CELF2: variants seen among roughly 807,000 people sequenced by gnomAD.
The protein encoded by CELF2 is CUGBP Elav-like family member 2, also known as CUG triplet repeat RNA-binding protein 2.
Under a neutral mutation model 62.6 loss-of-function variants are expected in CELF2, and 8 were observed. The observed-to-expected ratio is 0.13, with a 90% CI of 0.07 to 0.23. The LOEUF is 0.23. CELF2 is among the 10% of genes least tolerant of loss of function. CELF2 has a pLI of 1.00. For missense variants in CELF2, 333 were observed against 671.0 expected, an observed-to-expected ratio of 0.50 and a Z score of 5.56; for synonymous variants, 258 against 250.0, an observed-to-expected ratio of 1.03 and a Z score of -0.30.
At chr10:10,861,105 T>G (rs1034635944) in intron 1 of CELF2, among the ~76,000 whole-genome samples, 2 of 152,082 alleles carry the variant, frequency 1.3e-5, no homozygotes, top group East Asian at 1.9e-4. Flanking sequence ...TGGTTGGTTG[T>G]TTGAGACAAG....
the CELF2 span, among the ~76,000 whole-genome samples, chr10:10,656,173 A>C: frequency 2.1e-5 from 3 of 145,730 alleles, no homozygotes; most frequent in Admixed American, 6.9e-5. Context: ...ACAATGAGAT[A>C]CCATCTCACA....
chr10:11,095,825 C>T (rs1344685736), intron 1 of CELF2, among the ~76,000 whole-genome samples: 1 of 151,882 alleles, frequency 6.6e-6, no homozygotes, highest in Admixed American at 6.6e-5. Context: ...CACTTAGAAT[C>T]GGGAAGAAAG....
the CELF2 span, among the ~76,000 whole-genome samples, chr10:10,721,691 C>T: frequency 1.3e-5 from 2 of 152,232 alleles, no homozygotes; most frequent in African/African-American, 4.8e-5. Context: ...AGGTAAACCA[C>T]TGATATATCC....
In CELF2 at chr10:11,290,239, C is replaced by T. The variant is rs1210303888; in HGVS notation, c.976+1687C>T. Among the ~76,000 whole-genome samples, 2 of 152,144 alleles carry T rather than the reference C, an allele frequency of 1.3e-5. No individual in the cohort carries two copies. The highest frequency in any genetic ancestry group is 1.3e-4 in the Admixed American group (2 of 15,272). The stretch of plus-strand genomic sequence containing the variant: ...AAAGCAATGAGTGTCAGATCTGTGA[C>T]AGAATCCCACTGAACAAGGGGAAAG... On this transcript the variant is annotated intron_variant, in intron 9 of 12. Coordinates refer to ENST00000633077, the MANE Select transcript of CELF2 (RefSeq NM_001326342.2). This position sits in a 1 kb window ranked among gnomAD's most constrained non-coding sequence, Gnocchi z 4.3.
chr10:10,585,933 T>G, the CELF2 span, among the ~76,000 whole-genome samples: 1 of 152,234 alleles, frequency 6.6e-6, no homozygotes, highest in African/African-American at 2.4e-5. Context: ...TTTGCTTGTA[T>G]GTGTGAAGAG....
At chr10:10,603,870 A>T in the CELF2 span, among the ~76,000 whole-genome samples, 4 of 152,094 alleles carry the variant, frequency 2.6e-5, no homozygotes, top group Non-Finnish European at 5.9e-5. Context: ...ATAAATGATA[A>T]AGGTTGGAAT....
At chr10:10,637,904 A>G in the CELF2 span, among the ~76,000 whole-genome samples, 18 of 152,340 alleles carry the variant, frequency 1.2e-4, no homozygotes, top group East Asian at 2.9e-3. Context: ...TTATATTTAC[A>G]AGGTTCAGTG....
chr10:11,226,527 C>T (rs1441812242), intron 3 of CELF2, among the ~76,000 whole-genome samples: 27 of 152,096 alleles, frequency 1.8e-4, no homozygotes, highest in Admixed American at 1.7e-3. Context: ...ACAGTTCTGG[C>T]TGTGTCAGAT....
intron 1 of CELF2, among the ~76,000 whole-genome samples, chr10:10,800,064 T>G (rs1055927385): frequency 1.3e-5 from 1 of 77,974 alleles, no homozygotes; most frequent in African/African-American, 6.0e-5. Flanking sequence ...AGTTTTTATT[T>G]CCTATTCATG....
chr10:11,073,003 A>G (rs927431153), intron 1 of CELF2, among the ~76,000 whole-genome samples: 7 of 151,990 alleles, frequency 4.6e-5, no homozygotes, highest in African/African-American at 1.7e-4. Context: ...TATTACACAA[A>G]TCACACTCTT....
At chr10:11,151,360 A>G (rs769649006) in intron 1 of CELF2, among the ~76,000 whole-genome samples, 42 of 152,104 alleles carry the variant, frequency 2.8e-4, no homozygotes, top group Middle Eastern at 3.2e-3. Flanking sequence ...CATGGATGGG[A>G]TAACTGGGAA....
the CELF2 span, among the ~76,000 whole-genome samples, chr10:10,531,631 C>A: frequency 1.3e-5 from 2 of 152,278 alleles, no homozygotes; most frequent in South Asian, 4.1e-4. Flanking sequence ...AAGCCAGGTG[C>A]ACTCTTCACT....
the CELF2 span, among the ~76,000 whole-genome samples, chr10:10,648,756 G>A: frequency 6.6e-6 from 1 of 152,156 alleles, no homozygotes; most frequent in African/African-American, 2.4e-5. Context: ...ATTGACCGTG[G>A]TACCCAGCAG....
the CELF2 span, among the ~76,000 whole-genome samples, chr10:10,757,527 T>C: frequency 6.6e-6 from 1 of 152,132 alleles, no homozygotes; most frequent in Non-Finnish European, 1.5e-5. Flanking sequence ...ATGACACACA[T>C]GCACACACAT....
intron 2 of CELF2, among the ~76,000 whole-genome samples, chr10:11,195,391 T>C (rs2134745459): frequency 6.6e-6 from 1 of 152,324 alleles, no homozygotes; most frequent in African/African-American, 2.4e-5. Context: ...CTGCTTTTGC[T>C]ACATGAAGTC....
the CELF2 span, among the ~76,000 whole-genome samples, chr10:10,505,643 G>A: frequency 6.6e-6 from 1 of 152,100 alleles, no homozygotes; most frequent in Non-Finnish European, 1.5e-5. Flanking sequence ...CCTTGTTACA[G>A]CTTGGTGAGG....
the CELF2 span, among the ~76,000 whole-genome samples, chr10:10,697,285 G>C: frequency 3.3e-5 from 5 of 152,142 alleles, no homozygotes; most frequent in African/African-American, 1.2e-4. Flanking sequence ...TTTGCAATGG[G>C]ACAGACGAAT....
chr10:10,556,031 T>A, the CELF2 span, among the ~76,000 whole-genome samples: 175 of 152,296 alleles, frequency 1.1e-3, 2 homozygotes, highest in African/African-American at 8.9e-4. Context: ...TTCCACATTT[T>A]AAAATTTTTT....
At chr10:11,151,766 T>A (rs763345183) in intron 1 of CELF2, among the ~76,000 whole-genome samples, 2 of 151,780 alleles carry the variant, frequency 1.3e-5, no homozygotes, top group African/African-American at 4.8e-5. Flanking sequence ...AAAAAAAAAA[T>A]AAGTAGATAA....
Sources: gnomAD v4.1 joint callset for allele counts (sites outside exome capture counted in the v4.1 genomes callset) on GRCh38, gnomAD v4.1.1 for gene constraint, Gnocchi (gnomAD v3.1) non-coding constraint, MANE v1.5 for transcripts, NCBI Gene and HGNC (gene_info 2026-07-23, HGNC 2026-07-21) for gene names.